The following STPG2 variants were observed in gnomAD, a reference collection of about 807,000 sequenced individuals.
STPG2 encodes sperm tail PG-rich repeat containing 2, also known as sperm-tail PG-rich repeat-containing protein 2.
In STPG2, 56 loss-of-function variants were observed where a neutral mutation model predicts 54.2. That is an observed-to-expected ratio of 1.03 (90% CI 0.83 to 1.29). The LOEUF (loss-of-function observed/expected upper bound fraction) is 1.29, where lower values mean the gene tolerates loss of function less well. STPG2 is among the 50% of genes most tolerant of loss of function. The probability of loss-of-function intolerance (pLI) is 0.00; values close to 1 mark genes in which losing one functional copy is unlikely to be tolerated. For missense variants in STPG2, 596 were observed against 544.9 expected, an observed-to-expected ratio of 1.09 and a Z score of -0.93; for synonymous variants, 200 against 181.8, an observed-to-expected ratio of 1.10 and a Z score of -0.81.
At position 97,680,380 on chromosome 4, in the gene STPG2, G is replaced by T. The variant is rs562085285; in HGVS notation, c.1320+32319C>A. 1.8e-3 allele frequency among the ~76,000 whole-genome samples: 279 copies of T among 151,616 alleles called. 3 individuals are homozygous for T. Among genetic ancestry groups the T allele is most frequent in the Admixed American group, 0.016 (249 of 15,192 alleles). ...TTGGATTCCTAGGTATTTTATTCTC[G>T]TTGAAGCAATTGTGAATGGGAGTTC... On this transcript the variant is annotated intron_variant, in intron 10 of 10. Coordinates refer to ENST00000295268, the MANE Select transcript of STPG2 (RefSeq NM_174952.3).
chr4:97,525,525 C>T (rs1731263475), intron 4 of STPG2, among the ~76,000 whole-genome samples: 1 of 151,586 alleles, frequency 6.6e-6, no homozygotes, highest in Non-Finnish European at 1.5e-5. Flanking sequence ...GACTTACAAG[C>T]AAATTAGTTG....
chr4:97,904,254 A>C (rs1731306059), intron 8 of STPG2, among the ~76,000 whole-genome samples: 1 of 152,220 alleles, frequency 6.6e-6, no homozygotes, highest in African/African-American at 2.4e-5. Context: ...TGGAGATCTG[A>C]GAACAGGCAG....
chr4:97,866,129 G>T lies in STPG2; in HGVS notation c.1045-25197C>A, dbSNP rs190802560. Among the ~76,000 whole-genome samples the T allele has an allele frequency of 4.0e-4, 61 of 151,950 alleles. No individual in the cohort carries two copies. In the East Asian group the frequency reaches 0.01, roughly 26 times the overall value. On this transcript the variant is annotated intron_variant, in intron 8 of 10. Transcript: ENST00000295268. Reference sequence around the variant, plus strand: ...TTCTGAGTGGAGGGAAGGGGGAATGGTTAGTGGTAAAAATATGGTTAGATA... The same window carrying T: ...TTCTGAGTGGAGGGAAGGGGGAATGTTTAGTGGTAAAAATATGGTTAGATA...
At chr4:97,734,648 C>G (rs139271046) in intron 9 of STPG2, among the ~76,000 whole-genome samples, 1 of 152,108 alleles carries the variant, frequency 6.6e-6, no homozygotes, top group East Asian at 1.9e-4. Context: ...AAGGATAAAT[C>G]TAAAAGGATC....
rs1320681709 is a variant in STPG2, at chr4:97,826,532, T to C, written c.1204+14241A>G. ...AGCACTGATCTGCTCTTTAAAAAAA[T>C]TGTAAAAGGTTATAAAAGGTTTATA... On this transcript the variant is annotated intron_variant, in intron 9 of 10. Transcript: ENST00000295268. Among the ~76,000 whole-genome samples the C allele has an allele frequency of 2.0e-5, 3 of 152,264 alleles. No homozygotes were observed. In the East Asian group the frequency reaches 5.8e-4, roughly 29 times the overall value.
At chr4:97,807,953 G>C (rs138420938) in intron 9 of STPG2, among the ~76,000 whole-genome samples, 8 of 151,944 alleles carry the variant, frequency 5.3e-5, no homozygotes, top group Non-Finnish European at 1.2e-4. Context: ...ACAGTATTTA[G>C]ATGTTTTTGA....
intron 10 of STPG2, among the ~76,000 whole-genome samples, chr4:97,635,923 A>G (rs1721502743): frequency 6.6e-6 from 1 of 152,126 alleles, no homozygotes; most frequent in Non-Finnish European, 1.5e-5. Context: ...TCAACATTAG[A>G]CAGATCAACG....
chr4:97,967,284 G>A (rs932586339), intron 7 of STPG2, among the ~76,000 whole-genome samples: 1 of 151,798 alleles, frequency 6.6e-6, no homozygotes, highest in African/African-American at 2.4e-5. Context: ...TTACATAATG[G>A]TAAAGGGATC....
chr4:97,688,872 T>C (rs1333425071), intron 10 of STPG2, among the ~76,000 whole-genome samples: 7 of 152,198 alleles, frequency 4.6e-5, no homozygotes, highest in African/African-American at 1.7e-4. Context: ...AATCTACCAA[T>C]TTAAGGTCTT....
intron 9 of STPG2, among the ~76,000 whole-genome samples, chr4:97,757,680 G>A (rs1218786778): frequency 6.6e-6 from 1 of 152,052 alleles, no homozygotes; most frequent in Non-Finnish European, 1.5e-5. Context: ...AAAATATCAA[G>A]TTTCCAAACA....
At chr4:97,887,457 G>T (rs1435088631) in intron 8 of STPG2, among the ~76,000 whole-genome samples, 1 of 152,074 alleles carries the variant, frequency 6.6e-6, no homozygotes, top group South Asian at 2.1e-4. Context: ...CTCTTCCCTA[G>T]GGATCTATAG....
At chr4:97,548,248 A>G (rs920437528) in intron 4 of STPG2, among the ~76,000 whole-genome samples, 1 of 152,192 alleles carries the variant, frequency 6.6e-6, no homozygotes, top group African/African-American at 2.4e-5. Context: ...TCTCTGGGAG[A>G]TATCAACTTT....
chr4:97,906,742 A>G (rs1731441832), intron 8 of STPG2, among the ~76,000 whole-genome samples: 1 of 152,140 alleles, frequency 6.6e-6, no homozygotes, highest in African/African-American at 2.4e-5. Context: ...AATCCAGCAT[A>G]TAAACAGAGC....
intron 7 of STPG2, among the ~76,000 whole-genome samples, chr4:97,964,544 TAA>T (rs1366517410): frequency 6.6e-6 from 1 of 152,026 alleles, no homozygotes; most frequent in East Asian, 1.9e-4. Context: ...CTCAGAAAAA[TAA>T]GTTTTAATGA....
chr4:97,886,462 G>A (rs1730573660), intron 8 of STPG2, among the ~76,000 whole-genome samples: 1 of 152,024 alleles, frequency 6.6e-6, no homozygotes, highest in Non-Finnish European at 1.5e-5. Context: ...CAAAATCTAA[G>A]GGAACAAAAT....
chr4:97,854,705 A>G (rs565417170), intron 8 of STPG2, among the ~76,000 whole-genome samples: 1 of 152,182 alleles, frequency 6.6e-6, no homozygotes, highest in South Asian at 2.1e-4. Flanking sequence ...ATTCAATCCA[A>G]ACAAAAGGCA....
chr4:97,836,332 AAAG>A (rs1279888196), intron 9 of STPG2, among the ~76,000 whole-genome samples: 3 of 152,026 alleles, frequency 2.0e-5, no homozygotes, highest in Non-Finnish European at 4.4e-5. Flanking sequence ...TCCAGGAGAA[AAAG>A]AAGACTCACT....
chr4:97,602,141 A>G (rs2148907445), intron 10 of STPG2, among the ~76,000 whole-genome samples: 1 of 151,904 alleles, frequency 6.6e-6, no homozygotes, highest in Non-Finnish European at 1.5e-5. Context: ...TTGCCCATAG[A>G]TTATTTTACT....
intron 8 of STPG2, among the ~76,000 whole-genome samples, chr4:97,867,904 T>C (rs1390915422): frequency 6.6e-6 from 1 of 152,062 alleles, no homozygotes; most frequent in Non-Finnish European, 1.5e-5. Context: ...ATGGATACAC[T>C]GCTGGAAGGA....
Sources: gnomAD v4.1 joint callset for allele counts (sites outside exome capture counted in the v4.1 genomes callset) on GRCh38, gnomAD v4.1.1 for gene constraint, MANE v1.5 for transcripts, NCBI Gene and HGNC (gene_info 2026-07-23, HGNC 2026-07-21) for gene names.